The following CCDC171 variants were observed in gnomAD, a reference collection of about 807,000 sequenced individuals.
CCDC171 encodes the protein coiled-coil domain containing 171, also known as coiled-coil domain-containing protein 171.
In CCDC171, 177 loss-of-function variants were observed where a neutral mutation model predicts 168.2. That is an observed-to-expected ratio of 1.05 (90% CI 0.93 to 1.19). The LOEUF (loss-of-function observed/expected upper bound fraction) is 1.19. CCDC171 is among the 50% of genes most tolerant of loss of function. CCDC171 has a pLI of 0.00. For synonymous variants in CCDC171, 687 were observed against 540.8 expected, an observed-to-expected ratio of 1.27 and a Z score of -3.75; for missense variants, 1,991 against 1,539.0, an observed-to-expected ratio of 1.29 and a Z score of -4.91.
At chr9:15,959,072 A>G (rs1226688694) in intron 25 of CCDC171, among the ~76,000 whole-genome samples, 2 of 152,172 alleles carry the variant, frequency 1.3e-5, no homozygotes, top group Non-Finnish European at 2.9e-5. Flanking sequence ...GGAAGACCGA[A>G]GGTGCCTGAG....
chr9:15,876,968 T>G (rs1044532126), intron 24 of CCDC171, among the ~76,000 whole-genome samples: 1 of 152,064 alleles, frequency 6.6e-6, no homozygotes, highest in African/African-American at 2.4e-5. Context: ...AGCTGAAGTT[T>G]TCTGTCTTTT....
At chr9:16,060,733 G>A (rs933942179) in exon 2 of CCDC171, 4 of 152,196 alleles carry the variant, frequency 2.6e-5, no homozygotes, top group Admixed American at 6.5e-5. Flanking sequence ...AAAAGCTATC[G>A]GTAGGAGTTA....
At chr9:15,852,137 A>G (rs1366201666) in intron 23 of CCDC171, among the ~76,000 whole-genome samples, 1 of 151,782 alleles carries the variant, frequency 6.6e-6, no homozygotes, top group Admixed American at 6.6e-5. Flanking sequence ...TAATACCATG[A>G]TAACTTTCTG....
At chr9:15,952,469 C>G (rs1829306675) in intron 25 of CCDC171, among the ~76,000 whole-genome samples, 1 of 152,122 alleles carries the variant, frequency 6.6e-6, no homozygotes, top group South Asian at 2.1e-4. Context: ...GTGATCTCAG[C>G]TCACTGCAAC....
intron 24 of CCDC171, among the ~76,000 whole-genome samples, chr9:15,912,165 T>G (rs1823759072): frequency 6.6e-6 from 1 of 152,262 alleles, no homozygotes; most frequent in African/African-American, 2.4e-5. Context: ...ATGGTATTGA[T>G]TCTTCCTATT....
At chr9:15,660,982 T>G (rs2048269793) in intron 8 of CCDC171, among the ~76,000 whole-genome samples, 2 of 152,204 alleles carry the variant, frequency 1.3e-5, no homozygotes, top group Non-Finnish European at 2.9e-5. Context: ...CACCAGCATC[T>G]TAACATGCTG....
intron 3 of CCDC171, among the ~76,000 whole-genome samples, chr9:16,011,309 T>G (rs895840212): frequency 6.6e-6 from 1 of 152,172 alleles, no homozygotes; most frequent in African/African-American, 2.4e-5. Context: ...CTATCCTGTT[T>G]ATGCTGCCAT....
chr9:15,914,777 G>A (rs183374847), intron 24 of CCDC171, among the ~76,000 whole-genome samples: 5 of 152,106 alleles, frequency 3.3e-5, no homozygotes, highest in Admixed American at 3.3e-4. Context: ...CCCTTGTGAT[G>A]TAGGTACCCA....
At chr9:15,731,407 G>A (rs1321495091) in intron 16 of CCDC171, among the ~76,000 whole-genome samples, 1 of 152,098 alleles carries the variant, frequency 6.6e-6, no homozygotes, top group Non-Finnish European at 1.5e-5. Context: ...TGCCTGTCAT[G>A]TAGATTAGTT....
intron 23 of CCDC171, among the ~76,000 whole-genome samples, chr9:15,862,793 CTAGAACCTCA>C (rs889011764): frequency 1.3e-5 from 2 of 152,010 alleles, no homozygotes; most frequent in African/African-American, 4.8e-5. Flanking sequence ...CTAGAGTATG[CTAGAACCTCA>C]TAGAACCTCA....
chr9:15,813,728 A>C (rs1178839676), intron 21 of CCDC171, among the ~76,000 whole-genome samples: 3 of 152,072 alleles, frequency 2.0e-5, no homozygotes. Context: ...TGATGTACAG[A>C]ATTTTATACT....
At chr9:15,688,647 G>A (rs2050577003) in intron 10 of CCDC171, among the ~76,000 whole-genome samples, 1 of 152,140 alleles carries the variant, frequency 6.6e-6, no homozygotes, top group African/African-American at 2.4e-5. Flanking sequence ...ATAAAATGCA[G>A]CATCCTTTTA....
intron 2 of CCDC171, among the ~76,000 whole-genome samples, chr9:15,564,732 A>G (rs2039589071): frequency 6.6e-6 from 1 of 152,146 alleles, no homozygotes; most frequent in African/African-American, 2.4e-5. Flanking sequence ...GGGCAGTGCC[A>G]CTCTCTCCTA....
At chr9:15,928,271 A>G (rs1826107181) in intron 25 of CCDC171, among the ~76,000 whole-genome samples, 1 of 151,762 alleles carries the variant, frequency 6.6e-6, no homozygotes, top group Non-Finnish European at 1.5e-5. Flanking sequence ...GAGGGACTTC[A>G]CTTGGGCTGT....
chr9:15,698,515 C>T (rs1251852377), intron 11 of CCDC171, among the ~76,000 whole-genome samples: 141 of 92,138 alleles, frequency 1.5e-3, no homozygotes, highest in Non-Finnish European at 1.8e-3. Flanking sequence ...AGCAAGACCC[C>T]GTCTCAAAAA....
chr9:15,979,510 A>G (rs969410022), intron 3 of CCDC171, among the ~76,000 whole-genome samples: 2 of 152,008 alleles, frequency 1.3e-5, no homozygotes, highest in African/African-American at 4.8e-5. Flanking sequence ...GGGTGTTTCA[A>G]TTTGTCAAAT....
At chr9:16,043,472 C>G (rs1183926102) in intron 1 of CCDC171, among the ~76,000 whole-genome samples, 1 of 152,004 alleles carries the variant, frequency 6.6e-6, no homozygotes, top group Non-Finnish European at 1.5e-5. Flanking sequence ...AGAACCAGGC[C>G]AGTTATGAAG....
intron 4 of CCDC171, among the ~76,000 whole-genome samples, chr9:15,591,102 T>C (rs1587214833): frequency 1.3e-5 from 2 of 152,036 alleles, no homozygotes; most frequent in African/African-American, 4.8e-5. Context: ...TTCAGAAATA[T>C]GTCACACTGT....
intron 24 of CCDC171, among the ~76,000 whole-genome samples, chr9:15,887,529 T>C (rs1321574503): frequency 1.3e-5 from 2 of 152,062 alleles, no homozygotes; most frequent in Non-Finnish European, 2.9e-5. Flanking sequence ...TTTGTTTGAG[T>C]GAACAGCAAT....
Sources: allele counts gnomAD v4.1 joint callset (sites outside exome capture counted in the v4.1 genomes callset), GRCh38; gene constraint gnomAD v4.1.1; transcripts MANE v1.5; gene names NCBI Gene and HGNC (gene_info 2026-07-23, HGNC 2026-07-21).